Variants in SDK1 observed in about 807,000 individuals in gnomAD.
The protein encoded by SDK1 is protein sidekick-1.
A neutral mutation model predicts 245.5 loss-of-function variants in SDK1; 157 were observed. That is an observed-to-expected ratio of 0.64 (90% CI 0.56 to 0.73). The LOEUF (loss-of-function observed/expected upper bound fraction) is 0.73, where lower values mean the gene tolerates loss of function less well. SDK1 is among the 30% of genes least tolerant of loss of function. The pLI is 0.00. For synonymous variants in SDK1, 1,647 were observed against 1,278.5 expected, an observed-to-expected ratio of 1.29 and a Z score of -6.15; for missense variants, 3,583 against 3,002.3, an observed-to-expected ratio of 1.19 and a Z score of -4.52.
chr7:3,650,140 C>A lies in SDK1; in HGVS notation c.713+8035C>A, dbSNP rs149545881. 4.6e-4 allele frequency among the ~76,000 whole-genome samples: 70 copies of A among 152,264 alleles called. No individual in the cohort carries two copies. In the East Asian group the frequency reaches 0.013, roughly 28 times the overall value. On this transcript the variant is annotated intron_variant, in intron 4 of 44. Transcript: ENST00000404826. ...TCATAGCCCGCTGCAGTTTCAAGCT[C>A]CTGGGCTCAAGCCGTCCTCCTGCTT...
chr7:3,392,939 T>C (rs1257077229), intron 1 of SDK1, among the ~76,000 whole-genome samples: 1 of 151,616 alleles, frequency 6.6e-6, no homozygotes, highest in Non-Finnish European at 1.5e-5. Flanking sequence ...CTTACAGGTA[T>C]CTGTTTGAGT....
At chr7:3,489,195 C>T (rs1399793797) in intron 1 of SDK1, among the ~76,000 whole-genome samples, 2 of 152,080 alleles carry the variant, frequency 1.3e-5, no homozygotes, top group Non-Finnish European at 2.9e-5. Context: ...CAGGCAGGTA[C>T]AGGGAAGGCA....
chr7:3,887,228 C>G (rs1043268845), intron 5 of SDK1, among the ~76,000 whole-genome samples: 10 of 152,058 alleles, frequency 6.6e-5, no homozygotes, highest in Non-Finnish European at 1.0e-4. Flanking sequence ...GTAGCCCTGG[C>G]AAATCACAAG....
intron 4 of SDK1, among the ~76,000 whole-genome samples, chr7:3,696,764 T>C (rs1343661170): frequency 6.6e-6 from 1 of 152,140 alleles, no homozygotes; most frequent in Non-Finnish European, 1.5e-5. Context: ...TTGTGTCAGT[T>C]CTTATATTAA....
intron 17 of SDK1, among the ~76,000 whole-genome samples, chr7:4,030,959 C>A (rs1338199985): frequency 6.6e-6 from 1 of 152,152 alleles, no homozygotes; most frequent in Non-Finnish European, 1.5e-5. Context: ...AGATTTGTTA[C>A]ATAAACACAA....
At chr7:3,951,446 T>C (rs1780816461) in intron 6 of SDK1, among the ~76,000 whole-genome samples, 1 of 152,202 alleles carries the variant, frequency 6.6e-6, no homozygotes, top group Non-Finnish European at 1.5e-5. Flanking sequence ...CAGTATTTAT[T>C]TTAAACATTC....
intron 22 of SDK1, among the ~76,000 whole-genome samples, chr7:4,090,220 T>C (rs1260044398): frequency 6.6e-6 from 1 of 152,208 alleles, no homozygotes; most frequent in Non-Finnish European, 1.5e-5. Context: ...AATTAATCAG[T>C]ATTTTGTGAG....
chr7:3,903,733 C>T (rs1451357523), intron 5 of SDK1, among the ~76,000 whole-genome samples: 1 of 152,070 alleles, frequency 6.6e-6, no homozygotes, highest in African/African-American at 2.4e-5. Flanking sequence ...GATGTTTGTC[C>T]CTTCCAAGCC....
At chr7:3,937,076 G>A (rs1199392836) in intron 5 of SDK1, among the ~76,000 whole-genome samples, 1 of 152,180 alleles carries the variant, frequency 6.6e-6, no homozygotes, top group Non-Finnish European at 1.5e-5. Flanking sequence ...TGTCCGTGCA[G>A]TGGCGTGTGC....
chr7:4,113,179 A>C, intron 23 of SDK1, 110 bp from the exon 24 acceptor site: 1 of 1,132,810 alleles, frequency 8.8e-7, no homozygotes, highest in Non-Finnish European at 1.3e-6. Context: ...TGATATGAGT[A>C]GACACCTATC....
chr7:4,240,501 A>G (rs1312408502), intron 42 of SDK1, among the ~76,000 whole-genome samples: 1 of 151,982 alleles, frequency 6.6e-6, no homozygotes, highest in Non-Finnish European at 1.5e-5. Flanking sequence ...AGGCAAGCCC[A>G]TCTTTCATTT....
At chr7:3,788,232 C>T (rs1780967864) in intron 4 of SDK1, among the ~76,000 whole-genome samples, 1 of 152,202 alleles carries the variant, frequency 6.6e-6, no homozygotes, top group South Asian at 2.1e-4. Context: ...GCTACTGCTG[C>T]CGGACACCAG....
chr7:3,984,062 A>T (rs1458529862), intron 13 of SDK1, among the ~76,000 whole-genome samples: 6 of 152,120 alleles, frequency 3.9e-5, no homozygotes, highest in Non-Finnish European at 8.8e-5. Context: ...CCTCAATCTC[A>T]GGCTGTTGCG....
intron 39 of SDK1, among the ~76,000 whole-genome samples, chr7:4,220,916 C>T (rs1785117790): frequency 7.4e-6 from 1 of 135,644 alleles, no homozygotes; most frequent in Non-Finnish European, 1.6e-5. Flanking sequence ...TCCTGAGTAG[C>T]TGGGCTACAG....
At chr7:3,916,349 A>T (rs919310025) in intron 5 of SDK1, among the ~76,000 whole-genome samples, 2 of 152,248 alleles carry the variant, frequency 1.3e-5, no homozygotes, top group African/African-American at 4.8e-5. Context: ...TCTGTTTGGG[A>T]ACAAAAGGAA....
At chr7:3,592,919 T>C (rs940622979) in intron 1 of SDK1, among the ~76,000 whole-genome samples, 2 of 152,216 alleles carry the variant, frequency 1.3e-5, no homozygotes, top group Non-Finnish European at 2.9e-5. Flanking sequence ...CCTGGAGTCC[T>C]TGTCCTCCTG....
intron 14 of SDK1, among the ~76,000 whole-genome samples, chr7:4,000,432 G>A (rs1440212301): frequency 6.6e-6 from 1 of 152,168 alleles, no homozygotes; most frequent in Non-Finnish European, 1.5e-5. Flanking sequence ...CTGAGTCCCA[G>A]TGCCTCTCCT....
At chr7:3,991,978 A>T (rs1415650399) in intron 14 of SDK1, among the ~76,000 whole-genome samples, 2 of 152,226 alleles carry the variant, frequency 1.3e-5, no homozygotes, top group African/African-American at 4.8e-5. Context: ...TAAAATGGAA[A>T]TTGCACTTGG....
chr7:4,237,017 C>T (rs888033215), intron 41 of SDK1, among the ~76,000 whole-genome samples: 3 of 152,026 alleles, frequency 2.0e-5, no homozygotes, highest in Admixed American at 6.5e-5. Context: ...AGTGATCCTC[C>T]CGCCTCAGCC....
Sources: gnomAD v4.1 joint callset for allele counts (sites outside exome capture counted in the v4.1 genomes callset) on GRCh38, gnomAD v4.1.1 for gene constraint, MANE v1.5 for transcripts, NCBI Gene and HGNC (gene_info 2026-07-23, HGNC 2026-07-21) for gene names.